The following NGEF variants were observed in gnomAD, a reference collection of about 807,000 sequenced individuals.
The protein encoded by NGEF is ephexin-1.
A neutral mutation model predicts 80.9 loss-of-function variants in NGEF; 31 were observed. That is an observed-to-expected ratio of 0.38 (90% confidence interval 0.29 to 0.52). The LOEUF (loss-of-function observed/expected upper bound fraction) is 0.52. Ranked by LOEUF, NGEF falls within the 20% of genes least tolerant of loss-of-function variation. The probability of loss-of-function intolerance (pLI) is 0.84; values close to 1 mark genes in which losing one functional copy is unlikely to be tolerated. For missense variants in NGEF, 709 were observed against 926.2 expected, an observed-to-expected ratio of 0.77 and a Z score of 3.04; for synonymous variants, 371 against 370.2, an observed-to-expected ratio of 1.00 and a Z score of -0.03.
chr2:232,956,405 C>A (rs1311258851), intron 3 of NGEF, among the ~76,000 whole-genome samples: 1 of 81,208 alleles, frequency 1.2e-5, no homozygotes, highest in Non-Finnish European at 2.3e-5. Context: ...AAGATTGTGA[C>A]TAACAGAAGA....
intron 5 of NGEF, among the ~76,000 whole-genome samples, chr2:232,896,611 A>G (rs1574997305): frequency 6.2e-5 from 2 of 32,470 alleles, no homozygotes; most frequent in African/African-American, 1.4e-4. Context: ...TGTGAGGGTA[A>G]GGTTGGGGTT....
At chr2:232,896,926 T>G (rs1574998227) in intron 5 of NGEF, among the ~76,000 whole-genome samples, 2 of 97,216 alleles carry the variant, frequency 2.1e-5, no homozygotes, top group Admixed American at 1.1e-4. Context: ...AGGGATGAGG[T>G]GAGGGTAGGG....
At chr2:232,993,863 G>A (rs1472103062) in intron 1 of NGEF, among the ~76,000 whole-genome samples, 1 of 152,158 alleles carries the variant, frequency 6.6e-6, no homozygotes, top group Non-Finnish European at 1.5e-5. Context: ...GTCCAGAACC[G>A]GAGACTCCAC....
At chr2:232,980,387 G>C (rs1430682905) in intron 1 of NGEF, among the ~76,000 whole-genome samples, 3 of 152,194 alleles carry the variant, frequency 2.0e-5, no homozygotes, top group Non-Finnish European at 1.5e-5. Flanking sequence ...GGTGTGGAGA[G>C]GTGAAGTTTC....
chr2:232,995,755 A>G (rs545804432), intron 1 of NGEF, among the ~76,000 whole-genome samples: 12 of 146,542 alleles, frequency 8.2e-5, no homozygotes, highest in South Asian at 2.1e-4. Context: ...CAATATGTAT[A>G]TGTATTATAT....
At chr2:232,907,552 T>C (rs1206306884) in intron 5 of NGEF, among the ~76,000 whole-genome samples, 1 of 152,090 alleles carries the variant, frequency 6.6e-6, no homozygotes, top group African/African-American at 2.4e-5. Context: ...AAAATCAGAG[T>C]GACACACTGA....
intron 5 of NGEF, among the ~76,000 whole-genome samples, chr2:232,916,359 G>A (rs1692803077): frequency 6.6e-6 from 1 of 152,204 alleles, no homozygotes; most frequent in African/African-American, 2.4e-5. Flanking sequence ...AGGTCACACA[G>A]CTAAGAAGTA....
chr2:232,920,470 G>C lies in NGEF; in HGVS notation c.642C>G (p.Thr214=). Residue 214 remains threonine, a synonymous_variant, in exon 5 of 15, where the codon ACC becomes ACG. Coordinates refer to ENST00000264051, the MANE Select transcript of NGEF (RefSeq NM_019850.3). ...NTNGSPASED[T]PEEEEEEEEE... ...CCTCCTCTTCTTCTTCCTCCTCCGGGGTGTCCTCACTGGCCGGGGACCCAT... is the reference window on the plus strand; with the variant it reads ...CCTCCTCTTCTTCTTCCTCCTCCGGCGTGTCCTCACTGGCCGGGGACCCAT... 1 of 1,613,224 alleles carries C rather than the reference G, an allele frequency of 6.2e-7. No individual in the cohort carries two copies. Among genetic ancestry groups the C allele is most frequent in the Non-Finnish European group, 8.5e-7 (1 of 1,179,550 alleles).
At chr2:232,946,339 T>C (rs180970860) in intron 3 of NGEF, among the ~76,000 whole-genome samples, 9 of 152,262 alleles carry the variant, frequency 5.9e-5, no homozygotes, top group Admixed American at 5.2e-4. Context: ...CAGTGTATAC[T>C]GCTCGGCTGA....
rs1184688905 is a variant in NGEF, at chr2:232,995,466, CATACTGTATAT to C, written c.-75+17591_-75+17601del. Among the ~76,000 whole-genome samples, 2 of 1,494 alleles carry C rather than the reference CATACTGTATAT, an allele frequency of 1.3e-3. 1 individual carries two copies. Among genetic ancestry groups the C allele is most frequent in the Non-Finnish European group, 2.2e-3 (2 of 920 alleles). The allele number at this position is 1,494 out of a possible 152,430, so 1.0% of individuals were successfully genotyped here. A position where few individuals can be genotyped will look rare whatever the true frequency, so the allele number is the denominator to read the frequency against. On this transcript the variant is annotated intron_variant, in intron 1 of 14. Coordinates refer to ENST00000264051, the MANE Select transcript of NGEF (RefSeq NM_019850.3). ...ACACAGTATGTATACTGACAGTATACATACTGTATATATACACAGTATGTATACTGACAGTA... is the reference window on the plus strand; with the variant it reads ...ACACAGTATGTATACTGACAGTATACATACACAGTATGTATACTGACAGTA...
chr2:232,917,939 A>G lies in NGEF; in HGVS notation c.828+2345T>C, dbSNP rs556461135. On this transcript the variant is annotated intron_variant, in intron 5 of 14. Transcript: ENST00000264051. ...CAGGCACCCGACACTATACCCGGCT[A>G]ATTAATTATTTTACTTATTTATTTA... 8.6e-5 allele frequency among the ~76,000 whole-genome samples: 13 copies of G among 151,636 alleles called. No individual in the cohort carries two copies. The South Asian group carries it at 2.5e-3, about 29-fold the overall frequency.
chr2:232,884,500 C>T (rs146389563), intron 10 of NGEF, among the ~76,000 whole-genome samples: 2 of 152,238 alleles, frequency 1.3e-5, no homozygotes, highest in African/African-American at 2.4e-5. Context: ...GTGTGGATAC[C>T]GTGTGTGTGC....
In NGEF at chr2:232,893,161, A is replaced by C. The variant is rs1041332004; in HGVS notation, c.990-111T>G. On this transcript the variant is annotated intron_variant, in intron 6 of 14. Transcript: ENST00000264051. Reference sequence around the variant, plus strand: ...TTGGACATTGGACATAGCAGTGTGCACGGTGAGCGTACAGGCCGACAAGAT... The same window carrying C: ...TTGGACATTGGACATAGCAGTGTGCCCGGTGAGCGTACAGGCCGACAAGAT... The C allele has an allele frequency of 6.9e-5, 76 of 1,094,348 alleles. No individual in the cohort carries two copies. In the African/African-American group the frequency reaches 1.0e-3, roughly 15 times the overall value. The allele number at this position is 1,094,348 out of a possible 1,614,324, so 67.8% of individuals were successfully genotyped here.
At chr2:232,881,315 G>C in intron 13 of NGEF, 65 bp from the exon 14 acceptor site, 7 of 1,282,460 alleles carry the variant, frequency 5.5e-6, no homozygotes, top group Non-Finnish European at 7.8e-6. Context: ...CTCCCACCAA[G>C]CCCGCAGCTG....
At position 232,883,518 on chromosome 2, in the gene NGEF, G is replaced by A; in HGVS notation, c.1602-52C>T. The A allele has an allele frequency of 5.5e-6, 8 of 1,465,950 alleles. No individual in the cohort carries two copies. The South Asian group carries it at 7.0e-5, about 13-fold the overall frequency. The allele number at this position is 1,465,950 out of a possible 1,614,324, so 90.8% of individuals were successfully genotyped here. A position where few individuals can be genotyped will look rare whatever the true frequency, so the allele number is the denominator to read the frequency against. On this transcript the variant is annotated intron_variant, in intron 11 of 14. Transcript: ENST00000264051. The stretch of plus-strand genomic sequence containing the variant: ...TGTCAGCCCCGAGGAGGCCTGTGGG[G>A]GTCCCAGGAGAGCCCCACTTGGCAG...
rs1477337676 is a variant in NGEF at position 232,879,676 on chromosome 2, C to T, written c.1946G>A (p.Trp649Ter). Reference protein sequence around the residue: ...LNILDKTDDGWIFGERLHDQE... With the variant: ...LNILDKTDDG Reference sequence around the variant, plus strand: ...GTCGTGCAGACGCTCGCCAAAGATCCACCCTGTGCAGGGAGGGGAGGGAGA... The same window carrying T: ...GTCGTGCAGACGCTCGCCAAAGATCTACCCTGTGCAGGGAGGGGAGGGAGA... The change falls in exon 15 of 15, where the codon TGG (tryptophan) becomes TAG (stop). Residue 649 changes from tryptophan to a stop codon, truncating the protein, a stop_gained. Coordinates refer to ENST00000264051, the MANE Select transcript of NGEF (RefSeq NM_019850.3). LOFTEE classifies it high-confidence loss of function. 6.2e-7 allele frequency: 1 copy of T among 1,610,144 alleles called. No individual in the cohort carries two copies. The highest frequency in any genetic ancestry group is 1.3e-5 in the African/African-American group (1 of 74,900).
Position 232,967,088 on chromosome 2 carries a change from T to C in NGEF, c.383+3126A>G, listed in dbSNP as rs558500954. Among the ~76,000 whole-genome samples the C allele has an allele frequency of 7.6e-4, 115 of 152,232 alleles. 3 individuals are homozygous for C. The South Asian group carries it at 0.023, about 30-fold the overall frequency. On this transcript the variant is annotated intron_variant, in intron 3 of 14. Transcript: ENST00000264051. ...GGCCTGGTGGGAGGTGTTTGGATCA[T>C]AGGGGCGGATCCCTCATGTCTCTGT...
chr2:232,904,296 T>C (rs1215985538), intron 5 of NGEF, among the ~76,000 whole-genome samples: 1 of 151,868 alleles, frequency 6.6e-6, no homozygotes, highest in Non-Finnish European at 1.5e-5. Flanking sequence ...CCGTGGCAAG[T>C]CCATCTTTCT....
Position 232,921,911 on chromosome 2 carries a change from G to A in NGEF, c.527-1326C>T, listed in dbSNP as rs145438973. Among the ~76,000 whole-genome samples the A allele has an allele frequency of 2.4e-3, 371 of 152,274 alleles. 2 individuals carry two copies. Among genetic ancestry groups the A allele is most frequent in the Non-Finnish European group, 4.1e-3 (281 of 68,018 alleles). ...GTGCCTGATTCGGGGACAGTTACAA[G>A]ATAGAATAACATTCAGGTGACCAGT... On this transcript the variant is annotated intron_variant, in intron 4 of 14. Coordinates refer to ENST00000264051, the MANE Select transcript of NGEF (RefSeq NM_019850.3).
Sources: allele counts gnomAD v4.1 joint callset (sites outside exome capture counted in the v4.1 genomes callset), GRCh38; gene constraint gnomAD v4.1.1; transcripts MANE v1.5; gene names NCBI Gene and HGNC (gene_info 2026-07-23, HGNC 2026-07-21).